The following OPTN variants were observed in gnomAD, a reference collection of about 807,000 sequenced individuals.
OPTN encodes the protein E3-14.7K-interacting protein.
A neutral mutation model predicts 70.4 loss-of-function variants in OPTN; 54 were observed. The ratio of observed to expected loss-of-function variants is 0.77; its 90% CI spans 0.62 to 0.96. OPTN has a LOEUF of 0.96. Among genes scored for constraint, OPTN ranks in the 40% least tolerant of loss-of-function variants. The pLI, the probability that OPTN is intolerant of heterozygous loss-of-function variation, is 0.00. For synonymous variants in OPTN, 256 were observed against 248.5 expected (o/e 1.03, Z -0.28); for missense variants, 624 against 673.2 (o/e 0.93, Z 0.81).
In OPTN at chr10:13,126,628, G is replaced by A. The variant is rs562069514; in HGVS notation, c.1242+589G>A. 6.6e-5 allele frequency among the ~76,000 whole-genome samples: 10 copies of A among 152,232 alleles called. No individual in the cohort carries two copies. The South Asian group carries it at 1.5e-3, about 22-fold the overall frequency. On this transcript the variant is annotated intron_variant, in intron 11 of 14. Transcript: ENST00000378747. ...GGTTTGTAGGAGAGCTAAGAGCATG[G>A]GCTTCTATGGGTAGGAAGGGCCATC...
intron 11 of OPTN, among the ~76,000 whole-genome samples, chr10:13,126,560 G>A (rs2131518360): frequency 6.6e-6 from 1 of 151,958 alleles, no homozygotes; most frequent in East Asian, 1.9e-4. Context: ...GATTACAGGC[G>A]TGAGCCACCG....
rs1437970180 is a variant in OPTN, at chr10:13,132,069, G to A, written c.1404G>A (p.Met468Ile). 5 of 1,611,982 alleles carry A rather than the reference G, an allele frequency of 3.1e-6. No homozygotes were observed. The highest frequency in any genetic ancestry group is 4.2e-6 in the Non-Finnish European group (5 of 1,178,650). The change falls in exon 13 of 15, where the codon ATG becomes ATA. Residue 468 changes from methionine (M) to isoleucine (I), a missense_variant and splice_region_variant. Physicochemically the swap from Met to Ile is conservative, Grantham distance 10. Transcript: ENST00000378747. The part of the protein sequence containing the change: ...LETMTILRAQ[M>I]EVYCSDFHAE... ...TGTATCTTTTTTTCCTCTAACAGATGGAAGTTTACTGTTCTGATTTTCATG... is the reference window on the plus strand; with the variant it reads ...TGTATCTTTTTTTCCTCTAACAGATAGAAGTTTACTGTTCTGATTTTCATG...
chr10:13,127,612 C>T (rs1833495217), intron 11 of OPTN, 133 bp from the exon 12 acceptor site: 1 of 935,108 alleles, frequency 1.1e-6, no homozygotes, highest in Non-Finnish European at 1.7e-6. Flanking sequence ...CCACCTCAGC[C>T]TCTCAATTCT....
At chr10:13,112,385 G>A in intron 4 of OPTN, 68 bp from the exon 5 acceptor site, 1 of 1,470,668 alleles carries the variant, frequency 6.8e-7, no homozygotes, top group Non-Finnish European at 9.5e-7. Flanking sequence ...CTGCGATTAA[G>A]GGCATGAGCC....
chr10:13,123,998 G>A lies in OPTN; in HGVS notation c.886G>A (p.Gly296Arg). 2 of 1,610,148 alleles carry A rather than the reference G, an allele frequency of 1.2e-6. No homozygotes were observed. The highest frequency in any genetic ancestry group is 1.7e-6 in the Non-Finnish European group (2 of 1,176,514). The change falls in exon 9 of 15, where the codon GGA (glycine) becomes AGA (arginine). Residue 296 changes from glycine (G) to arginine (R), a missense_variant. By Grantham distance (125) the Gly-to-Arg change is moderately radical (BLOSUM62 -2). Coordinates refer to ENST00000378747, the MANE Select transcript of OPTN (RefSeq NM_001008212.2). ...TTTGGGATTTCCCGTATGATAGGTT[G>A]GAAGCGAAGTGGAAGCACTGAACCT... ...NDEEKGPETVGSEVEALNLQV... is the reference protein window; with the variant it reads ...NDEEKGPETVRSEVEALNLQV...
chr10:13,115,176 ATTT>A (rs373026863), intron 5 of OPTN, among the ~76,000 whole-genome samples: 1 of 57,334 alleles, frequency 1.7e-5, no homozygotes, highest in African/African-American at 6.1e-5. Context: ...ATATATCTAT[ATTT>A]TATATATATA....
chr10:13,123,026 T>C (rs1229165586), intron 8 of OPTN: 1 of 164,636 alleles, frequency 6.1e-6, no homozygotes, highest in Non-Finnish European at 1.3e-5. Context: ...ATGTCTCTTC[T>C]TGACTGATTT....
At chr10:13,130,033 C>T (rs1012637502) in intron 12 of OPTN, among the ~76,000 whole-genome samples, 1 of 152,188 alleles carries the variant, frequency 6.6e-6, no homozygotes, top group Non-Finnish European at 1.5e-5. Context: ...CACTCTGCTG[C>T]AGTCATGTAT....
chr10:13,105,962 C>T (rs1257015007), intron 1 of OPTN, among the ~76,000 whole-genome samples: 3 of 150,988 alleles, frequency 2.0e-5, no homozygotes, highest in East Asian at 1.9e-4. Flanking sequence ...TTCAAAGAAA[C>T]GTCTCTCTCT....
chr10:13,111,526 C>T (rs1832997080), intron 4 of OPTN, among the ~76,000 whole-genome samples: 1 of 123,876 alleles, frequency 8.1e-6, no homozygotes, highest in African/African-American at 2.7e-5. Flanking sequence ...GGCGAAACCC[C>T]ATCTCTACTA....
intron 10 of OPTN, 50 bp downstream of exon 10, chr10:13,125,617 C>T (rs201386517): frequency 7.5e-6 from 12 of 1,605,290 alleles, no homozygotes; most frequent in East Asian, 2.2e-5. Flanking sequence ...GAGGGAGAAT[C>T]GCCTTTTTAT....
intron 14 of OPTN, among the ~76,000 whole-genome samples, chr10:13,134,866 C>T (rs2131532366): frequency 1.3e-5 from 2 of 152,322 alleles, no homozygotes; most frequent in Non-Finnish European, 2.9e-5. Context: ...GCAATGGTCT[C>T]ATTTATTCAG....
intron 4 of OPTN, among the ~76,000 whole-genome samples, chr10:13,111,897 G>A (rs1004841376): frequency 2.2e-5 from 3 of 135,160 alleles, no homozygotes; most frequent in Non-Finnish European, 4.6e-5. Flanking sequence ...GCCCAGGCTG[G>A]AGTACAGTGG....
intron 14 of OPTN, among the ~76,000 whole-genome samples, chr10:13,135,650 C>A (rs1833683332): frequency 6.6e-6 from 1 of 152,048 alleles, no homozygotes; most frequent in African/African-American, 2.4e-5. Context: ...TTATACATCC[C>A]AGAGGATTCA....
intron 5 of OPTN, among the ~76,000 whole-genome samples, chr10:13,115,659 G>C (rs10752285): frequency 7.2e-6 from 1 of 139,566 alleles, no homozygotes; most frequent in Non-Finnish European, 1.5e-5. Flanking sequence ...ATATTTATAC[G>C]TATATACCTA....
At chr10:13,117,978 T>C (rs1833257381) in intron 6 of OPTN, among the ~76,000 whole-genome samples, 1 of 152,250 alleles carries the variant, frequency 6.6e-6, no homozygotes, top group Non-Finnish European at 1.5e-5. Flanking sequence ...TTTTGTCATA[T>C]TTAAAGACGT....
At chr10:13,116,635 T>C (rs1833215411) in intron 6 of OPTN, 1 of 462,718 alleles carries the variant, frequency 2.2e-6, no homozygotes, top group Non-Finnish European at 4.0e-6. Context: ...GTCAATGATT[T>C]GTTCCTAATC....
At chr10:13,116,864 C>G (rs1833220138) in intron 6 of OPTN, among the ~76,000 whole-genome samples, 1 of 152,126 alleles carries the variant, frequency 6.6e-6, no homozygotes, top group South Asian at 2.1e-4. Context: ...TGTGGAGTCT[C>G]AAGTGTACCT....
At chr10:13,127,576 C>T (rs1489950573) in intron 11 of OPTN, among the ~76,000 whole-genome samples, 169 bp from the exon 12 acceptor site, 4 of 152,028 alleles carry the variant, frequency 2.6e-5, no homozygotes, top group African/African-American at 7.2e-5. Context: ...AGGCTTGTCT[C>T]CCACTCCTGG....
Sources: allele counts gnomAD v4.1 joint callset (sites outside exome capture counted in the v4.1 genomes callset), GRCh38; gene constraint gnomAD v4.1.1; transcripts MANE v1.5; gene names NCBI Gene and HGNC (gene_info 2026-07-23, HGNC 2026-07-21).